The following CAPN13 variants were observed in gnomAD, a reference collection of about 807,000 sequenced individuals.
CAPN13 encodes the protein calpain-13.
In CAPN13, 90 loss-of-function variants were observed where a neutral mutation model predicts 98.4. The ratio of observed to expected loss-of-function variants is 0.92; its 90% CI spans 0.77 to 1.09. CAPN13 has a LOEUF of 1.09. Ranked by LOEUF, CAPN13 falls within the 50% of genes least tolerant of loss-of-function variation. The probability of loss-of-function intolerance (pLI) is 0.00; values close to 1 mark genes in which losing one functional copy is unlikely to be tolerated. For missense variants in CAPN13, 887 were observed against 841.3 expected (o/e 1.05, Z -0.67); for synonymous variants, 330 against 305.5 (o/e 1.08, Z -0.84).
chr2:30,800,111 GAAAGA>G (rs1402251499), intron 1 of CAPN13, among the ~76,000 whole-genome samples: 16 of 104,060 alleles, frequency 1.5e-4, no homozygotes, highest in African/African-American at 3.8e-4. Context: ...AGAAAGAAAA[GAAAGA>G]AAAGAAAGAA....
intron 13 of CAPN13, chr2:30,743,000 T>G: frequency 3.8e-6 from 1 of 266,538 alleles, no homozygotes; most frequent in Non-Finnish European, 7.2e-6. Context: ...CCTCCCGCCA[T>G]TCATGCTTTT....
chr2:30,731,472 G>GTGCTTCTTATGGGCCCA, intron 20 of CAPN13, 73 bp from the exon 21 acceptor site: 1 of 1,341,344 alleles, frequency 7.5e-7, no homozygotes, highest in Non-Finnish European at 1.0e-6. Context: ...AGGCAGGCCT[G>GTGCTTCTTATGGGCCCA]GGCCCATAAG....
At chr2:30,796,260 A>C (rs1342965704) in intron 1 of CAPN13, among the ~76,000 whole-genome samples, 2 of 150,066 alleles carry the variant, frequency 1.3e-5, no homozygotes, top group Non-Finnish European at 3.0e-5. Flanking sequence ...ATACGTATAT[A>C]TATAGTCTTG....
At chr2:30,766,043 C>T (rs986002257) in intron 5 of CAPN13, among the ~76,000 whole-genome samples, 1 of 152,168 alleles carries the variant, frequency 6.6e-6, no homozygotes, top group Non-Finnish European at 1.5e-5. Flanking sequence ...GGTTCTGGCT[C>T]CTGTTCCAGT....
At chr2:30,783,073 T>C (rs1371507793) in intron 2 of CAPN13, among the ~76,000 whole-genome samples, 1 of 152,182 alleles carries the variant, frequency 6.6e-6, no homozygotes, top group Non-Finnish European at 1.5e-5. Flanking sequence ...AGGATGATAG[T>C]ATTATCTACC....
chr2:30,725,067 T>C (rs1670810681), intron 22 of CAPN13, among the ~76,000 whole-genome samples: 1 of 152,208 alleles, frequency 6.6e-6, no homozygotes, highest in Non-Finnish European at 1.5e-5. Flanking sequence ...TTTACTGGCA[T>C]ATTGATAGAT....
At chr2:30,736,658 C>A in intron 17 of CAPN13, 87 bp from the exon 18 acceptor site, 1 of 1,198,472 alleles carries the variant, frequency 8.3e-7, no homozygotes. Context: ...CAGGCCCATT[C>A]ATCACTAGCA....
chr2:30,794,690 C>A (rs1674768370), intron 1 of CAPN13, among the ~76,000 whole-genome samples: 1 of 151,868 alleles, frequency 6.6e-6, no homozygotes, highest in Non-Finnish European at 1.5e-5. Context: ...CCATAAAGTA[C>A]TACTCAGCAA....
chr2:30,806,518 G>T (rs1049532996), intron 1 of CAPN13, among the ~76,000 whole-genome samples: 5 of 152,122 alleles, frequency 3.3e-5, no homozygotes, highest in East Asian at 3.8e-4. Context: ...GCCACTCGGG[G>T]GTAACCAAAG....
chr2:30,747,248 TG>T (rs1430673529), intron 11 of CAPN13, among the ~76,000 whole-genome samples: 1 of 152,056 alleles, frequency 6.6e-6, no homozygotes, highest in Non-Finnish European at 1.5e-5. Flanking sequence ...AAGCCGATGC[TG>T]GGCTCCCTAT....
Position 30,751,098 on chromosome 2 carries a change from C to T in CAPN13, c.1236+5G>A, listed in dbSNP as rs2147988992. The T allele has an allele frequency of 1.9e-6, 3 of 1,613,278 alleles. No individual in the cohort carries two copies. Among genetic ancestry groups the T allele is most frequent in the Non-Finnish European group, 1.7e-6 (2 of 1,179,588 alleles). On this transcript the variant is annotated splice_donor_5th_base_variant and intron_variant, in intron 11 of 22. Coordinates refer to ENST00000295055, the MANE Select transcript of CAPN13 (RefSeq NM_144575.3). ...AAGGGAAAGCCCTGAAGCAGGCTGCCTTACCAGAATCACTTGGAAATCGAG... is the reference window on the plus strand; with the variant it reads ...AAGGGAAAGCCCTGAAGCAGGCTGCTTTACCAGAATCACTTGGAAATCGAG...
chr2:30,776,944 G>C (rs9309686), intron 3 of CAPN13, among the ~76,000 whole-genome samples: 2,440 of 152,326 alleles, frequency 0.016, 49 homozygotes, highest in East Asian at 0.072. Context: ...ACCAGGCGAA[G>C]TTCAAGTACA....
intron 5 of CAPN13, among the ~76,000 whole-genome samples, chr2:30,765,975 T>C (rs1326589311): frequency 1.3e-5 from 2 of 152,188 alleles, no homozygotes; most frequent in African/African-American, 2.4e-5. Flanking sequence ...AGAGCCTTCT[T>C]TGGTGGTGAG....
In CAPN13 at chr2:30,753,070, A is replaced by G. The variant is rs1672259384; in HGVS notation, c.1070T>C (p.Ile357Thr). 2.5e-6 allele frequency: 4 copies of G among 1,614,006 alleles called. No homozygotes were observed. The African/African-American group carries it at 5.3e-5, about 22-fold the overall frequency. The change falls in exon 10 of 23, where the codon ATT becomes ACT. Residue 357 changes from isoleucine (I) to threonine (T), a missense_variant. Ile to Thr is a moderately conservative substitution (Grantham distance 89). Coordinates refer to ENST00000295055, the MANE Select transcript of CAPN13 (RefSeq NM_144575.3). ...WSQIMFRKQV[I>T]LGNTAGGPRN... ...ATGATTACCTGCAGTGTTTCCTAGAATCACTTGCTTCCTAAACATTATTTG... is the reference window on the plus strand; with the variant it reads ...ATGATTACCTGCAGTGTTTCCTAGAGTCACTTGCTTCCTAAACATTATTTG...
intron 2 of CAPN13, 57 bp from the exon 3 acceptor site, chr2:30,777,696 C>G: frequency 7.6e-7 from 1 of 1,323,994 alleles, no homozygotes; most frequent in Non-Finnish European, 1.1e-6. Flanking sequence ...TATCCCAAAG[C>G]GACATCATTC....
chr2:30,740,688 C>A (rs1671609314), intron 15 of CAPN13, among the ~76,000 whole-genome samples: 1 of 152,238 alleles, frequency 6.6e-6, no homozygotes, highest in Non-Finnish European at 1.5e-5. Flanking sequence ...CCACCAGTCA[C>A]CCTCTATGAG....
At chr2:30,791,294 T>C (rs1674596273) in intron 1 of CAPN13, among the ~76,000 whole-genome samples, 1 of 152,212 alleles carries the variant, frequency 6.6e-6, no homozygotes, top group Non-Finnish European at 1.5e-5. Context: ...GGGAGATATG[T>C]CTTAGATACT....
At chr2:30,740,358 G>A (rs186403259) in intron 15 of CAPN13, among the ~76,000 whole-genome samples, 82 of 152,336 alleles carry the variant, frequency 5.4e-4, no homozygotes, top group African/African-American at 1.5e-3. Context: ...CTGCCAAAGT[G>A]CTGGGATGAC....
chr2:30,768,939 A>C (rs1014891716), intron 5 of CAPN13, among the ~76,000 whole-genome samples: 2 of 151,970 alleles, frequency 1.3e-5, no homozygotes, highest in African/African-American at 2.4e-5. Flanking sequence ...GAACCCCCAA[A>C]TAGCACAGGA....
Sources: allele counts gnomAD v4.1 joint callset (sites outside exome capture counted in the v4.1 genomes callset), GRCh38; gene constraint gnomAD v4.1.1; transcripts MANE v1.5; gene names NCBI Gene and HGNC (gene_info 2026-07-23, HGNC 2026-07-21).